Variants in ARID1A observed in about 807,000 individuals in gnomAD.
ARID1A encodes AT-rich interaction domain 1A.
A neutral mutation model predicts 212.6 loss-of-function variants in ARID1A; 20 were observed. That is an observed-to-expected ratio of 0.09 (90% CI 0.07 to 0.14). ARID1A has a LOEUF of 0.14. Among genes scored for constraint, ARID1A ranks in the 10% least tolerant of loss-of-function variants. ARID1A has a pLI of 1.00. For synonymous variants in ARID1A, 1,376 were observed against 1,222.1 expected, an observed-to-expected ratio of 1.13 and a Z score of -2.63; for missense variants, 2,587 against 3,059.0, an observed-to-expected ratio of 0.85 and a Z score of 3.64.
rs1466426323 is a variant in ARID1A, at chr1:26,780,093, C to T, written c.6195C>T (p.Ala2065=). Residue 2065 remains alanine (A), a synonymous_variant, in exon 20 of 20, where the codon GCC becomes GCT. Transcript: ENST00000324856. This position sits in a 1 kb window ranked among gnomAD's most constrained non-coding sequence, Gnocchi z 7.2. ...GGGAAAACACCTTGGTTACACTCGC[C>T]AACATCTCGGGGCAGTTGGACCTAT... ...MLRENTLVTL[A]NISGQLDLSP... is the part of the protein sequence containing the mutation. 1.2e-6 allele frequency: 2 copies of T among 1,614,146 alleles called. No individual in the cohort carries two copies. The highest frequency in any genetic ancestry group is 1.7e-5 in the Admixed American group (1 of 60,004).
At chr1:26,718,508 A>G (rs1241069220) in intron 1 of ARID1A, among the ~76,000 whole-genome samples, 1 of 152,186 alleles carries the variant, frequency 6.6e-6, no homozygotes, top group East Asian at 1.9e-4. Flanking sequence ...GCCCCTCGGT[A>G]TCCGTAGGGG....
At position 26,780,683 on chromosome 1, in the gene ARID1A, C is replaced by T. The variant is rs375849292; in HGVS notation, c.6785C>T (p.Ser2262Leu). 2.1e-5 allele frequency: 34 copies of T among 1,602,958 alleles called. No homozygotes were observed. The highest frequency in any genetic ancestry group is 2.8e-5 in the Non-Finnish European group (33 of 1,178,094). The change falls in exon 20 of 20, where the codon TCG becomes TTG. Residue 2262 changes from serine (S) to leucine (L), a missense_variant. Physicochemically the swap from Ser to Leu is moderately radical, Grantham distance 145. Coordinates refer to ENST00000324856, the MANE Select transcript of ARID1A (RefSeq NM_006015.6). The surrounding 1 kb of genome is among the most constrained non-coding windows in gnomAD (Gnocchi z 7.2). The stretch of plus-strand genomic sequence containing the variant: ...TACGAATCACGGCTGTTGGACATCT[C>T]GGTATCACCGTTGATGAACTCATTG... ...TLYESRLLDISVSPLMNSLVS... is the reference protein window; with the variant it reads ...TLYESRLLDILVSPLMNSLVS...
chr1:26,766,449 T>G lies in ARID1A; in HGVS notation c.2879-8T>G. 6.2e-7 allele frequency: 1 copy of G among 1,613,918 alleles called. No individual in the cohort carries two copies. Among genetic ancestry groups the G allele is most frequent in the Non-Finnish European group, 8.5e-7 (1 of 1,179,952 alleles). Reference sequence around the variant, plus strand: ...TACTGGACTTGAGAATTTTTTTCTCTTTTACAGGGATGGCAGCCAGCCCAG... The same window carrying G: ...TACTGGACTTGAGAATTTTTTTCTCGTTTACAGGGATGGCAGCCAGCCCAG... On this transcript the variant is annotated splice_region_variant and splice_polypyrimidine_tract_variant and intron_variant, in intron 9 of 19. Coordinates refer to ENST00000324856, the MANE Select transcript of ARID1A (RefSeq NM_006015.6).
rs2124140436 is a variant in ARID1A, at chr1:26,779,460, T to C, written c.5562T>C (p.His1854=). 3.1e-6 allele frequency: 5 copies of C among 1,614,068 alleles called. No homozygotes were observed. The highest frequency in any genetic ancestry group is 4.2e-6 in the Non-Finnish European group (5 of 1,180,014). ...TTGGTGGGGGGGACACCACTGAGCA[T>C]ATCCAGACCCACTTCGAGAGCAAGA... ...WRIGGGDTTE[H]IQTHFESKTE... The change falls in exon 20 of 20, where the codon CAT becomes CAC. Residue 1854 remains histidine, a synonymous_variant. Coordinates refer to ENST00000324856, the MANE Select transcript of ARID1A (RefSeq NM_006015.6).
Position 26,774,784 on chromosome 1 carries a change from G to C in ARID1A, c.4557G>C (p.Gln1519His), listed in dbSNP as rs1330441610. ...GGCAGAGCACGGGCTCTGCCCCCCAGGGCCCCGCCTATCATGGCGTGAACC... is the reference window on the plus strand; with the variant it reads ...GGCAGAGCACGGGCTCTGCCCCCCACGGCCCCGCCTATCATGGCGTGAACC... ...ANRQSTGSAP[Q>H]GPAYHGVNRT... The change falls in exon 18 of 20, where the codon CAG becomes CAC. Residue 1519 changes from glutamine (Q) to histidine (H), a missense_variant. Around this residue, in one of 11 missense-constraint regions of ARID1A, gnomAD observed 890 missense variants for 1,098.2 expected, o/e 0.81. Coordinates refer to ENST00000324856, the MANE Select transcript of ARID1A (RefSeq NM_006015.6). This position sits in a 1 kb window ranked among gnomAD's most constrained non-coding sequence, Gnocchi z 5.6. 3.1e-6 allele frequency: 5 copies of C among 1,614,196 alleles called. No homozygotes were observed.
At chr1:26,759,623 G>A (rs1019243070) in intron 4 of ARID1A, among the ~76,000 whole-genome samples, 1 of 152,260 alleles carries the variant, frequency 6.6e-6, no homozygotes, top group Middle Eastern at 3.4e-3. Flanking sequence ...AATGAACATG[G>A]GGCAGGGGAT....
rs888640930 is a variant in ARID1A, at chr1:26,763,224, A to G, written c.2671A>G (p.Asn891Asp). ...GATGTGTCCCCCACCAGGGGGCATG[A>G]ACCGGAAAACCCAAGAAACTGCTGT... ...SGMCPPPGGM[N>D]RKTQETAVAM... Residue 891 changes from asparagine to aspartate, a missense_variant, in exon 8 of 20, where the codon AAC (asparagine) becomes GAC (aspartate). Around this residue, in one of 11 missense-constraint regions of ARID1A, gnomAD observed 674 missense variants for 813.4 expected, o/e 0.83. Transcript: ENST00000324856. 3 of 1,613,782 alleles carry G rather than the reference A, an allele frequency of 1.9e-6. No homozygotes were observed. The highest frequency in any genetic ancestry group is 2.5e-6 in the Non-Finnish European group (3 of 1,179,672).
Position 26,715,573 on chromosome 1 carries a change from A to T in ARID1A, c.1138-14078A>T, listed in dbSNP as rs114245825. 9.7e-3 allele frequency among the ~76,000 whole-genome samples: 1,472 copies of T among 152,348 alleles called. 8 individuals are homozygous for T. Among genetic ancestry groups the T allele is most frequent in the Middle Eastern group, 0.054 (16 of 294 alleles). On this transcript the variant is annotated intron_variant, in intron 1 of 19. Transcript: ENST00000324856. ...AATTTTTGAGCATATATTGGGATGC[A>T]GTATACCAGTGTGTCTTTGCGTACC...
chr1:26,774,003 T>C lies in ARID1A; in HGVS notation c.4101+105T>C. 1 of 1,431,030 alleles carries C rather than the reference T, an allele frequency of 7.0e-7. No individual in the cohort carries two copies. Among genetic ancestry groups the C allele is most frequent in the Non-Finnish European group, 9.6e-7 (1 of 1,037,168 alleles). The allele number at this position is 1,431,030 out of a possible 1,614,324, so 88.6% of individuals were successfully genotyped here. A position where few individuals can be genotyped will look rare whatever the true frequency, so the allele number is the denominator to read the frequency against. On this transcript the variant is annotated intron_variant, in intron 17 of 19. Transcript: ENST00000324856. The surrounding 1 kb of genome is among the most constrained non-coding windows in gnomAD (Gnocchi z 5.6). ...GTCTAAGAAGCTCACTTTAGATATTTTGGCATTCTTCTCTCACCTGACTGG... is the reference window on the plus strand; with the variant it reads ...GTCTAAGAAGCTCACTTTAGATATTCTGGCATTCTTCTCTCACCTGACTGG...
At chr1:26,760,550 G>A (rs554285919) in intron 4 of ARID1A, among the ~76,000 whole-genome samples, 212 of 152,206 alleles carry the variant, frequency 1.4e-3, no homozygotes, top group Admixed American at 5.6e-3. Context: ...TTAGCCGGGC[G>A]TGGTGGTGCT....
intron 1 of ARID1A, among the ~76,000 whole-genome samples, chr1:26,711,683 G>A (rs191641532): frequency 2.5e-4 from 38 of 152,264 alleles, no homozygotes; most frequent in African/African-American, 9.1e-4. Context: ...GGACTTGGGG[G>A]CTCCCTGCCT....
At chr1:26,762,127 C>G (rs2124062401) in intron 6 of ARID1A, 25 bp from the exon 7 acceptor site, 2 of 1,601,162 alleles carry the variant, frequency 1.2e-6, no homozygotes, top group Non-Finnish European at 1.7e-6. Flanking sequence ...AAGCTAATAA[C>G]TATATGGATG....
intron 1 of ARID1A, among the ~76,000 whole-genome samples, 161 bp downstream of exon 1, chr1:26,697,701 C>T (rs1030954905): frequency 2.6e-5 from 4 of 152,142 alleles, no homozygotes; most frequent in African/African-American, 9.7e-5. Flanking sequence ...GGCTGCCTGT[C>T]TGCCTTCCTC....
intron 4 of ARID1A, among the ~76,000 whole-genome samples, chr1:26,746,462 G>T (rs193020559): frequency 6.6e-6 from 1 of 152,252 alleles, no homozygotes; most frequent in South Asian, 2.1e-4. Flanking sequence ...GGGAGACTTG[G>T]GTCTTTTGAA....
chr1:26,774,074 G>T lies in ARID1A; in HGVS notation c.4101+176G>T, dbSNP rs569539507. On this transcript the variant is annotated intron_variant, in intron 17 of 19. Transcript: ENST00000324856. This position sits in a 1 kb window ranked among gnomAD's most constrained non-coding sequence, Gnocchi z 5.6. ...ACGTCCTCAATCTCTTCTCTATTTG[G>T]AGTTGGAAGGGGCTAGAAATAGACC... 8 of 1,070,850 alleles carry T rather than the reference G, an allele frequency of 7.5e-6. No homozygotes were observed. Among genetic ancestry groups the T allele is most frequent in the Non-Finnish European group, 1.1e-5 (8 of 754,964 alleles). The allele number at this position is 1,070,850 out of a possible 1,614,324, so 66.3% of individuals were successfully genotyped here. A position where few individuals can be genotyped will look rare whatever the true frequency, so the allele number is the denominator to read the frequency against.
chr1:26,725,852 CTTTTTTTTTTTT>C (rs71007888), intron 1 of ARID1A, among the ~76,000 whole-genome samples: 3 of 126,744 alleles, frequency 2.4e-5, no homozygotes, highest in Admixed American at 8.3e-5. Flanking sequence ...TGGTATAAAC[CTTTTTTTTTTTT>C]TTTTTTTTGA....
At chr1:26,701,606 A>T (rs2080332531) in intron 1 of ARID1A, among the ~76,000 whole-genome samples, 1 of 152,180 alleles carries the variant, frequency 6.6e-6, no homozygotes. Flanking sequence ...CAATAAAATG[A>T]AGTTGGTCTG....
chr1:26,731,006 T>A, intron 2 of ARID1A, 146 bp from the exon 3 acceptor site: 3 of 907,374 alleles, frequency 3.3e-6, no homozygotes, highest in Non-Finnish European at 5.0e-6. Flanking sequence ...TTAGGCAGGG[T>A]GAGAGAAAAA....
At chr1:26,773,552 C>G (rs763116687) in intron 15 of ARID1A, 28 bp from the exon 16 acceptor site, 8 of 1,614,178 alleles carry the variant, frequency 5.0e-6, no homozygotes, top group South Asian at 2.2e-5. Context: ...CTATAGTGGG[C>G]TCAATCTGCC....
Sources: gnomAD v4.1 joint callset for allele counts (sites outside exome capture counted in the v4.1 genomes callset) on GRCh38, gnomAD v4.1.1 for gene constraint, gnomAD v4.1.1 regional missense constraint, Gnocchi (gnomAD v3.1) non-coding constraint, MANE v1.5 for transcripts, NCBI Gene and HGNC (gene_info 2026-07-23, HGNC 2026-07-21) for gene names.